The following RBFOX1 variants were observed in gnomAD, a reference collection of about 807,000 sequenced individuals.
RBFOX1 encodes the protein RNA binding fox-1 homolog 1.
RBFOX1 carries 8 observed loss-of-function variants against 57.7 expected under a neutral mutation model. That is an observed-to-expected ratio of 0.14 (90% CI 0.08 to 0.25). The LOEUF (loss-of-function observed/expected upper bound fraction) is 0.25, where lower values mean the gene tolerates loss of function less well. RBFOX1 is among the 10% of genes least tolerant of loss of function. RBFOX1 has a pLI of 1.00. For synonymous variants in RBFOX1, 326 were observed against 222.4 expected (o/e 1.47, Z -4.15); for missense variants, 611 against 548.5 (o/e 1.11, Z -1.14).
chr16:7,261,249 C>G (rs976868508), intron 4 of RBFOX1, among the ~76,000 whole-genome samples: 2 of 152,122 alleles, frequency 1.3e-5, no homozygotes, highest in African/African-American at 4.8e-5. Context: ...TAGAATAGTT[C>G]TGAGCATTAA....
At chr16:6,123,204 G>A (rs2096564755) in intron 1 of RBFOX1, among the ~76,000 whole-genome samples, 1 of 152,148 alleles carries the variant, frequency 6.6e-6, no homozygotes, top group Non-Finnish European at 1.5e-5. Flanking sequence ...TTGTATACCA[G>A]TGTTTATTGT....
At chr16:6,119,815 G>C (rs535342604) in intron 1 of RBFOX1, among the ~76,000 whole-genome samples, 1 of 152,088 alleles carries the variant, frequency 6.6e-6, no homozygotes, top group Non-Finnish European at 1.5e-5. Context: ...AACCTTTTTA[G>C]AGTGCACATT....
At position 6,019,480 on chromosome 16, in the gene RBFOX1, C is replaced by G. The variant is rs934608375; in HGVS notation, c.-639C>G. The G allele has an allele frequency of 3.0e-6, 3 of 1,005,312 alleles. No individual in the cohort carries two copies. The highest frequency in any genetic ancestry group is 3.6e-6 in the Non-Finnish European group (3 of 843,298). The allele number at this position is 1,005,312 out of a possible 1,614,324, so 62.3% of individuals were successfully genotyped here. A position where few individuals can be genotyped will look rare whatever the true frequency, so the allele number is the denominator to read the frequency against. ...GAACTCGCGGAGGGGAATCCCTCCC[C>G]CTCCGCCCCAGCCCCCCAGCAGCAC... On this transcript the variant is annotated 5_prime_UTR_variant, in exon 1 of 16. Transcript: ENST00000550418. The surrounding 1 kb of genome is among the most constrained non-coding windows in gnomAD (Gnocchi z 4.2).
At chr16:6,849,133 C>T (rs1475996448) in intron 3 of RBFOX1, among the ~76,000 whole-genome samples, 1 of 152,010 alleles carries the variant, frequency 6.6e-6, no homozygotes, top group Non-Finnish European at 1.5e-5. Context: ...TATAATCATC[C>T]CCAGAGAGTG....
intron 1 of RBFOX1, among the ~76,000 whole-genome samples, chr16:5,407,162 G>A: frequency 6.6e-6 from 1 of 152,124 alleles, no homozygotes; most frequent in East Asian, 1.9e-4. Context: ...GAAAAGTGCA[G>A]GGGAAGCTGC....
intron 4 of RBFOX1, among the ~76,000 whole-genome samples, chr16:5,977,630 G>A (rs574019585): frequency 6.6e-6 from 1 of 152,234 alleles, no homozygotes; most frequent in South Asian, 2.1e-4. Flanking sequence ...CTATGAGAGG[G>A]GAGAGCAGCC....
intron 3 of RBFOX1, among the ~76,000 whole-genome samples, chr16:7,013,187 G>T (rs1597002592): frequency 6.6e-6 from 1 of 152,162 alleles, no homozygotes; most frequent in Admixed American, 6.5e-5. Flanking sequence ...CATTGGCTTT[G>T]TGACTGAGAT....
intron 3 of RBFOX1, among the ~76,000 whole-genome samples, chr16:5,637,580 T>C (rs2048725010): frequency 6.6e-6 from 1 of 152,246 alleles, no homozygotes; most frequent in Non-Finnish European, 1.5e-5. Flanking sequence ...TAATTGCTGT[T>C]CATATGTTTA....
At chr16:7,350,741 G>A (rs942045780) in intron 4 of RBFOX1, among the ~76,000 whole-genome samples, 2 of 152,184 alleles carry the variant, frequency 1.3e-5, no homozygotes, top group South Asian at 4.1e-4. Flanking sequence ...GCCCTAAAAA[G>A]AGGGCCCGTT....
chr16:5,747,093 A>G (rs979598350), intron 3 of RBFOX1, among the ~76,000 whole-genome samples: 3 of 152,282 alleles, frequency 2.0e-5, no homozygotes, highest in Non-Finnish European at 4.4e-5. Flanking sequence ...TTTAGCATGA[A>G]TGGCTGTTGA....
chr16:5,612,710 T>C (rs958460456), intron 3 of RBFOX1, among the ~76,000 whole-genome samples: 3 of 152,194 alleles, frequency 2.0e-5, no homozygotes, highest in Admixed American at 1.3e-4. Context: ...AGAGGAGTTT[T>C]AGGAACTGCT....
chr16:7,107,932 T>A (rs1056416942), intron 4 of RBFOX1, among the ~76,000 whole-genome samples: 3 of 151,534 alleles, frequency 2.0e-5, no homozygotes, highest in African/African-American at 7.3e-5. Flanking sequence ...AAAGGCAGAG[T>A]TTACCTCTCC....
chr16:5,579,822 C>G (rs548894640), intron 2 of RBFOX1, among the ~76,000 whole-genome samples: 62 of 151,488 alleles, frequency 4.1e-4, no homozygotes, highest in African/African-American at 1.4e-3. Flanking sequence ...TGCAGTCACT[C>G]GATCTCAGCT....
intron 11 of RBFOX1, among the ~76,000 whole-genome samples, chr16:7,645,012 C>T (rs975944219): frequency 1.3e-5 from 2 of 152,166 alleles, no homozygotes; most frequent in Non-Finnish European, 1.5e-5. Context: ...CTCTTACAAT[C>T]TTATTCCCGA....
At chr16:7,418,961 G>C (rs2035346602) in intron 4 of RBFOX1, among the ~76,000 whole-genome samples, 2 of 152,096 alleles carry the variant, frequency 1.3e-5, no homozygotes, top group Admixed American at 6.5e-5. Flanking sequence ...TTGGAGTGCA[G>C]TGGCACAATC....
chr16:6,581,749 C>G (rs1227672021), intron 2 of RBFOX1, among the ~76,000 whole-genome samples: 2 of 152,204 alleles, frequency 1.3e-5, no homozygotes, highest in Non-Finnish European at 2.9e-5. Flanking sequence ...TCACCTGGAA[C>G]TAGAGGCAGG....
chr16:7,497,684 G>A (rs1043820504), intron 4 of RBFOX1, among the ~76,000 whole-genome samples: 2 of 152,320 alleles, frequency 1.3e-5, no homozygotes, highest in Middle Eastern at 3.4e-3. Flanking sequence ...CATTTCGAAT[G>A]AATTAATGAA....
In RBFOX1 at chr16:6,344,845, C is replaced by A. The variant is rs2085123897; in HGVS notation, c.-64+27788C>A. ...GGCTAGGATTATAGGCATGTGCCAC[C>A]ATGCTCCACTAATTTTTCTATTTTT... is the stretch of plus-strand genomic sequence containing the variant. On this transcript the variant is annotated intron_variant, in intron 2 of 15. Coordinates refer to ENST00000550418, the MANE Select transcript of RBFOX1 (RefSeq NM_018723.4). Among the ~76,000 whole-genome samples the A allele has an allele frequency of 2.0e-5, 3 of 151,752 alleles. No homozygotes were observed. In the South Asian group the frequency reaches 6.3e-4, roughly 32 times the overall value.
At chr16:6,138,433 A>T (rs546318118) in intron 1 of RBFOX1, among the ~76,000 whole-genome samples, 2 of 152,328 alleles carry the variant, frequency 1.3e-5, no homozygotes, top group East Asian at 3.9e-4. Flanking sequence ...TAACTGGTAT[A>T]GATCTACTTC....
Sources: allele counts gnomAD v4.1 joint callset (sites outside exome capture counted in the v4.1 genomes callset), GRCh38; gene constraint gnomAD v4.1.1; non-coding constraint Gnocchi (gnomAD v3.1); transcripts MANE v1.5; gene names NCBI Gene and HGNC (gene_info 2026-07-23, HGNC 2026-07-21).